Variants in RORB observed in about 807,000 individuals in gnomAD.
The protein encoded by RORB is nuclear receptor ROR-beta.
RORB carries 6 observed loss-of-function variants against 59.1 expected under a neutral mutation model. The ratio of observed to expected loss-of-function variants is 0.10; its 90% CI spans 0.06 to 0.20. RORB has a LOEUF of 0.20. Among genes scored for constraint, RORB ranks in the 10% least tolerant of loss-of-function variants. The pLI, the probability that RORB is intolerant of heterozygous loss-of-function variation, is 1.00. For synonymous variants in RORB, 215 were observed against 204.5 expected, an observed-to-expected ratio of 1.05 and a Z score of -0.44; for missense variants, 320 against 560.5, an observed-to-expected ratio of 0.57 and a Z score of 4.33.
chr9:74,520,423 T>C (rs1440774562), intron 1 of RORB, among the ~76,000 whole-genome samples: 1 of 151,960 alleles, frequency 6.6e-6, no homozygotes, highest in African/African-American at 2.4e-5. Context: ...GCCCTACTTA[T>C]GTTCTGCATC....
chr9:74,612,520 C>T (rs760651907), intron 1 of RORB, among the ~76,000 whole-genome samples: 11 of 152,176 alleles, frequency 7.2e-5, no homozygotes, highest in Non-Finnish European at 1.3e-4. Context: ...ATCCACCCCT[C>T]GTATCTGAGC....
At chr9:74,574,648 G>T (rs916439665) in intron 1 of RORB, among the ~76,000 whole-genome samples, 1 of 152,098 alleles carries the variant, frequency 6.6e-6, no homozygotes, top group African/African-American at 2.4e-5. Flanking sequence ...ATTGGGCACA[G>T]ACTCCAACCT....
chr9:74,550,783 A>G (rs1049718433), intron 1 of RORB, among the ~76,000 whole-genome samples: 7 of 152,230 alleles, frequency 4.6e-5, no homozygotes, highest in African/African-American at 1.7e-4. Flanking sequence ...TATCTCTTCT[A>G]TGAGCATTTA....
intron 1 of RORB, among the ~76,000 whole-genome samples, chr9:74,603,935 T>G (rs1823108677): frequency 6.6e-6 from 1 of 152,208 alleles, no homozygotes; most frequent in Admixed American, 6.5e-5. Context: ...AGTGCCATCG[T>G]CCTAACTATT....
At chr9:74,645,415 A>G (rs1463481692) in intron 4 of RORB, among the ~76,000 whole-genome samples, 3 of 152,168 alleles carry the variant, frequency 2.0e-5, no homozygotes, top group African/African-American at 2.4e-5. Flanking sequence ...TCTGGAGTCA[A>G]AGTGCCTGCA....
At chr9:74,515,218 C>T (rs1011273477) in intron 1 of RORB, among the ~76,000 whole-genome samples, 1 of 151,498 alleles carries the variant, frequency 6.6e-6, no homozygotes, top group Admixed American at 6.6e-5. Context: ...AATATTAACT[C>T]AGTTAATCCT....
Position 74,692,930 on chromosome 9 carries a change from GT to G in RORB, c.*7319del, listed in dbSNP as rs931989610. On this transcript the variant is annotated 3_prime_UTR_variant, in exon 10 of 10. Transcript: ENST00000376896. Reference sequence around the variant, plus strand: ...GAGTCATTTAGGAAGTAAGTATTGAGTTTTTTTAATCATAAATATACTAGAA... The same window carrying G: ...GAGTCATTTAGGAAGTAAGTATTGAGTTTTTTAATCATAAATATACTAGAA... 1.3e-5 allele frequency: 2 copies of G among 151,982 alleles called. No individual in the cohort carries two copies. Among genetic ancestry groups the G allele is most frequent in the African/African-American group, 4.8e-5 (2 of 41,388 alleles). 9.4% of individuals were successfully genotyped at this position (151,982 alleles called of 1,614,324 possible).
At chr9:74,675,214 G>A (rs1048318973) in intron 9 of RORB, among the ~76,000 whole-genome samples, 1 of 151,576 alleles carries the variant, frequency 6.6e-6, no homozygotes, top group African/African-American at 2.4e-5. Context: ...GTATATTCAG[G>A]CTATAAATAA....
intron 4 of RORB, among the ~76,000 whole-genome samples, chr9:74,649,830 T>C (rs1823963823): frequency 6.6e-6 from 1 of 152,222 alleles, no homozygotes; most frequent in Non-Finnish European, 1.5e-5. Context: ...CCTCTGTCAA[T>C]ACAGTTTTCC....
In RORB at chr9:74,581,180, C is replaced by G. The variant is rs1822717342; in HGVS notation, c.8-49102C>G. On this transcript the variant is annotated intron_variant, in intron 1 of 9. Transcript: ENST00000376896. ...TTCACCAGGCCCTTAAGAACCTCAA[C>G]CCTTTAAACCTTCTTAAAGGTCCTA... 3.3e-5 allele frequency among the ~76,000 whole-genome samples: 5 copies of G among 152,262 alleles called. No individual in the cohort carries two copies. In the South Asian group the frequency reaches 1.0e-3, roughly 32 times the overall value.
intron 9 of RORB, among the ~76,000 whole-genome samples, chr9:74,682,473 T>A (rs1254057834): frequency 2.0e-5 from 3 of 151,604 alleles, no homozygotes. Context: ...GTTAAGTGAC[T>A]TGTCCGAGAT....
At chr9:74,509,150 A>C (rs2118034233) in intron 1 of RORB, among the ~76,000 whole-genome samples, 1 of 152,188 alleles carries the variant, frequency 6.6e-6, no homozygotes, top group Admixed American at 6.6e-5. Context: ...GGTAAACCAT[A>C]GCTCTCCACA....
At chr9:74,620,918 A>G (rs919131757) in intron 1 of RORB, among the ~76,000 whole-genome samples, 2 of 152,166 alleles carry the variant, frequency 1.3e-5, no homozygotes, top group African/African-American at 4.8e-5. Context: ...GATGCTCCTC[A>G]CTATCTCCAG....
chr9:74,562,850 C>T (rs1822415964), intron 1 of RORB, among the ~76,000 whole-genome samples: 1 of 152,182 alleles, frequency 6.6e-6, no homozygotes, highest in African/African-American at 2.4e-5. Flanking sequence ...ACCCAGATTT[C>T]CCAATTATTA....
rs909673824 is a variant in RORB at position 74,687,371 on chromosome 9, T to C, written c.*1753T>C. The C allele has an allele frequency of 2.6e-5, 4 of 152,000 alleles. No individual in the cohort carries two copies. Among genetic ancestry groups the C allele is most frequent in the Non-Finnish European group, 5.9e-5 (4 of 67,956 alleles). 9.4% of individuals were successfully genotyped at this position (152,000 alleles called of 1,614,324 possible). A position where few individuals can be genotyped will look rare whatever the true frequency, so the allele number is the denominator to read the frequency against. ...GTTTCCATCAGTGGAAACTTTGATT[T>C]CTTTTTTTAATCTCTTATGCTCTCC... On this transcript the variant is annotated 3_prime_UTR_variant, in exon 10 of 10. Transcript: ENST00000376896.
At chr9:74,590,889 G>A (rs374014573) in intron 1 of RORB, among the ~76,000 whole-genome samples, 16 of 152,178 alleles carry the variant, frequency 1.1e-4, no homozygotes, top group South Asian at 8.3e-4. Context: ...CTCTGCCTCC[G>A]GATTCAAGCA....
rs531073634 is a variant in RORB at position 74,655,448 on chromosome 9, A to G, written c.638-5169A>G. Among the ~76,000 whole-genome samples the G allele has an allele frequency of 2.0e-5, 3 of 152,358 alleles. No individual in the cohort carries two copies. In the South Asian group the frequency reaches 6.2e-4, roughly 32 times the overall value. The stretch of plus-strand genomic sequence containing the variant: ...AAGAAGCCAACAAAAACTGAGCTGA[A>G]AACAGCTGCAATCCAAGTTAGGGTA... On this transcript the variant is annotated intron_variant, in intron 4 of 9. Transcript: ENST00000376896.
intron 1 of RORB, among the ~76,000 whole-genome samples, chr9:74,556,607 C>T (rs1822293183): frequency 6.6e-6 from 1 of 152,162 alleles, no homozygotes; most frequent in African/African-American, 2.4e-5. Flanking sequence ...CAGATAATTG[C>T]ACCACACACT....
chr9:74,562,956 C>T (rs1117284), intron 1 of RORB, among the ~76,000 whole-genome samples: 145,380 of 152,032 alleles, frequency 0.96, 69,858 homozygotes, highest in East Asian at 1. Flanking sequence ...TTTACTTCTT[C>T]AAATACTTCA....
Sources: allele counts gnomAD v4.1 joint callset (sites outside exome capture counted in the v4.1 genomes callset), GRCh38; gene constraint gnomAD v4.1.1; transcripts MANE v1.5; gene names NCBI Gene and HGNC (gene_info 2026-07-23, HGNC 2026-07-21).